RPS3: variants seen among roughly 807,000 people sequenced by gnomAD.
RPS3 encodes the protein small ribosomal subunit protein uS3.
Under a neutral mutation model 25.8 loss-of-function variants are expected in RPS3, and 2 were observed. The ratio of observed to expected loss-of-function variants is 0.08; its 90% CI spans 0.03 to 0.24. RPS3 has a LOEUF of 0.24. Among genes scored for constraint, RPS3 ranks in the 10% least tolerant of loss-of-function variants. RPS3 has a pLI of 1.00. For synonymous variants in RPS3, 114 were observed against 114.2 expected (o/e 1.00, Z 0.01); for missense variants, 107 against 307.1 (o/e 0.35, Z 4.87).
In RPS3 at chr11:75,400,679, C is replaced by T. The variant is rs376373599; in HGVS notation, c.31-15C>T. 1.2e-5 allele frequency: 20 copies of T among 1,609,864 alleles called. No homozygotes were observed. The highest frequency in any genetic ancestry group is 1.7e-4 in the Middle Eastern group (1 of 6,054). Reference sequence around the variant, plus strand: ...ACCGATCTCCTAATTTTGAACTTTGCTTTGTTTGGATTAGTTTGTCGCTGA... The same window carrying T: ...ACCGATCTCCTAATTTTGAACTTTGTTTTGTTTGGATTAGTTTGTCGCTGA... On this transcript the variant is annotated splice_polypyrimidine_tract_variant and intron_variant, in intron 1 of 6. Transcript: ENST00000531188.
chr11:75,416,292 A>G (rs796109830), intron 6 of RPS3, among the ~76,000 whole-genome samples: 6 of 152,224 alleles, frequency 3.9e-5, no homozygotes, highest in African/African-American at 1.4e-4. Flanking sequence ...AATTCATGAT[A>G]TTGGATTCTC....
At chr11:75,414,935 A>C (rs183460323) in intron 6 of RPS3, among the ~76,000 whole-genome samples, 27 of 152,302 alleles carry the variant, frequency 1.8e-4, no homozygotes, top group African/African-American at 6.5e-4. Flanking sequence ...AGGCTGCTGA[A>C]GCCCACAGCG....
At position 75,406,871 on chromosome 11, in the gene RPS3, A is replaced by T. The variant is rs1357479171; in HGVS notation, c.*1261A>T. 1 of 152,230 alleles carries T rather than the reference A, an allele frequency of 6.6e-6. No individual in the cohort carries two copies. Among genetic ancestry groups the T allele is most frequent in the African/African-American group, 2.4e-5 (1 of 41,448 alleles). The allele number at this position is 152,230 out of a possible 1,614,324, so 9.4% of individuals were successfully genotyped here. ...CAGTTGTAACAGCTATGTAGCATGT[A>T]CATTAGGTATTAAAAGTAATCCAGT... On this transcript the variant is annotated 3_prime_UTR_variant, in exon 7 of 7. Transcript: ENST00000531188.
rs1012303421 is a variant in RPS3, at chr11:75,404,258, T to C, written c.538+51T>C. ...AGGGCATTTGTGGACAGATTTGGTT[T>C]TCCACAGACATCTTAAGTATTTGGG... On this transcript the variant is annotated intron_variant, in intron 5 of 6. Coordinates refer to ENST00000531188, the MANE Select transcript of RPS3 (RefSeq NM_001005.5). This position sits in a 1 kb window ranked among gnomAD's most constrained non-coding sequence, Gnocchi z 4.6. 1 of 1,524,682 alleles carries C rather than the reference T, an allele frequency of 6.6e-7. No homozygotes were observed. The highest frequency in any genetic ancestry group is 1.4e-5 in the African/African-American group (1 of 73,116). The allele number at this position is 1,524,682 out of a possible 1,614,324, so 94.4% of individuals were successfully genotyped here. A position where few individuals can be genotyped will look rare whatever the true frequency, so the allele number is the denominator to read the frequency against.
intron 6 of RPS3, among the ~76,000 whole-genome samples, chr11:75,412,423 G>C (rs1948365705): frequency 6.6e-6 from 1 of 152,200 alleles, no homozygotes; most frequent in Admixed American, 6.5e-5. Context: ...AATGAGGAGA[G>C]ACTTGCTTAC....
chr11:75,414,300 T>C (rs1437318315), intron 6 of RPS3, among the ~76,000 whole-genome samples: 4 of 152,188 alleles, frequency 2.6e-5, no homozygotes, highest in African/African-American at 9.7e-5. Context: ...GCTGAAGCCT[T>C]TCATGGACTT....
At chr11:75,409,980 G>T (rs1261964996), downstream of RPS3, among the ~76,000 whole-genome samples, 23 of 138,064 alleles carry the variant, frequency 1.7e-4, no homozygotes, top group Admixed American at 1.4e-3. Flanking sequence ...GCGGCTGGCC[G>T]GGCAGAGGGG....
At chr11:75,410,334 T>C (rs1948340009), downstream of RPS3, among the ~76,000 whole-genome samples, 2 of 147,786 alleles carry the variant, frequency 1.4e-5, no homozygotes, top group African/African-American at 2.5e-5. Context: ...GCAGAGGCGC[T>C]CCTCACATCC....
intron 1 of RPS3, 134 bp downstream of exon 1, chr11:75,399,711 C>G: frequency 1.3e-6 from 1 of 755,322 alleles, no homozygotes. Flanking sequence ...TTCCTGCGGG[C>G]CGCGGATGGC....
chr11:75,409,787 C>T (rs1948326722), downstream of RPS3, among the ~76,000 whole-genome samples: 1 of 150,902 alleles, frequency 6.6e-6, no homozygotes, highest in Admixed American at 6.6e-5. Context: ...CCTCACCTCC[C>T]GGATGGGGCG....
chr11:75,412,347 A>G lies in RPS3; in HGVS notation c.*3+7479A>G, dbSNP rs760122653. 8.7e-4 allele frequency among the ~76,000 whole-genome samples: 133 copies of G among 152,142 alleles called. 1 individual carries two copies. Among genetic ancestry groups the G allele is most frequent in the Non-Finnish European group, 1.2e-3 (84 of 68,014 alleles). On this transcript the variant is annotated intron_variant, in intron 6 of 6. Transcript: ENST00000527446. The stretch of plus-strand genomic sequence containing the variant: ...TGGCTTGGCTCTTGTCATGGACTCT[A>G]TTGCCTTTCCTGGCTGGACCTCTCT...
rs763633037 is a variant in RPS3 at position 75,404,101 on chromosome 11, A to G, written c.432A>G (p.Gly144=). 22 of 1,613,952 alleles carry G rather than the reference A, an allele frequency of 1.4e-5. No homozygotes were observed. The highest frequency in any genetic ancestry group is 1.8e-5 in the Non-Finnish European group (21 of 1,180,036). Residue 144 remains glycine (G), a synonymous_variant, in exon 5 of 7, where the codon GGA becomes GGG. Transcript: ENST00000531188. The surrounding 1 kb of genome is among the most constrained non-coding windows in gnomAD (Gnocchi z 4.6). ...CEVVVSGKLR[G]QRAKSMKFVD... ...TTGTGGTGTCTGGGAAACTCCGAGG[A>G]CAGAGGGCTAAATCCATGAAGTTTG...
In RPS3 at chr11:75,404,903, A is replaced by G. The variant is rs569247955; in HGVS notation, c.*3+35A>G. 37 of 1,417,946 alleles carry G rather than the reference A, an allele frequency of 2.6e-5. No homozygotes were observed. Among genetic ancestry groups the G allele is most frequent in the Middle Eastern group, 1.8e-4 (1 of 5,456 alleles). The allele number at this position is 1,417,946 out of a possible 1,614,324, so 87.8% of individuals were successfully genotyped here. Reference sequence around the variant, plus strand: ...CAAGGGCAGGGGCCTCTTGGGGCATAATAGGGTCCTTCCGAGTCTTTCTGT... The same window carrying G: ...CAAGGGCAGGGGCCTCTTGGGGCATGATAGGGTCCTTCCGAGTCTTTCTGT... On this transcript the variant is annotated intron_variant, in intron 6 of 6. Transcript: ENST00000531188. The surrounding 1 kb of genome is among the most constrained non-coding windows in gnomAD (Gnocchi z 4.6).
chr11:75,420,578 A>T (rs1056741610), intron 6 of RPS3, among the ~76,000 whole-genome samples: 9 of 152,044 alleles, frequency 5.9e-5, no homozygotes, highest in Admixed American at 5.9e-4. Context: ...CACAAGGCTG[A>T]GTCTCTGTTT....
chr11:75,420,742 CA>C (rs1948435970), intron 6 of RPS3, among the ~76,000 whole-genome samples: 1 of 152,106 alleles, frequency 6.6e-6, no homozygotes. Flanking sequence ...ATGGGTGTGT[CA>C]GGGGAGACTA....
chr11:75,420,506 C>T (rs1461574667), intron 6 of RPS3, among the ~76,000 whole-genome samples: 1 of 152,138 alleles, frequency 6.6e-6, no homozygotes. Context: ...GATAGCTGGG[C>T]CCAGGTCTGA....
Position 75,400,843 on chromosome 11 carries a change from G to C in RPS3, c.161+19G>C. On this transcript the variant is annotated intron_variant, in intron 2 of 6. Transcript: ENST00000531188. ...CCACCAGGTAAAACTCATTTGACTGGCCATCACCTATAATTGTTATAAATG... is the reference window on the plus strand; with the variant it reads ...CCACCAGGTAAAACTCATTTGACTGCCCATCACCTATAATTGTTATAAATG... 1 of 1,606,942 alleles carries C rather than the reference G, an allele frequency of 6.2e-7. No individual in the cohort carries two copies. Among genetic ancestry groups the C allele is most frequent in the Non-Finnish European group, 8.5e-7 (1 of 1,176,968 alleles).
intron 3 of RPS3, 166 bp from the exon 4 acceptor site, chr11:75,402,186 G>A (rs1050030878): frequency 2.0e-6 from 2 of 981,286 alleles, no homozygotes; most frequent in Non-Finnish European, 3.0e-6. Flanking sequence ...TCACGATGTT[G>A]AATTTGTGTT....
In RPS3 at chr11:75,418,508, T is replaced by C. The variant is rs12274327; in HGVS notation, c.*4-3219T>C. Among the ~76,000 whole-genome samples the C allele has an allele frequency of 1.2e-3, 188 of 152,290 alleles. 1 individual carries two copies. The highest frequency in any genetic ancestry group is 4.2e-3 in the African/African-American group (176 of 41,550). ...GGAAAAAAAAGGTAAAAAAATTTTT[T>C]AAAAAATAAAGTACAGGATGAAGTG... On this transcript the variant is annotated intron_variant, in intron 6 of 6. Coordinates refer to the RPS3 transcript ENST00000527446.
Sources: gnomAD v4.1 joint callset for allele counts (sites outside exome capture counted in the v4.1 genomes callset) on GRCh38, gnomAD v4.1.1 for gene constraint, Gnocchi (gnomAD v3.1) non-coding constraint, MANE v1.5 for transcripts, NCBI Gene and HGNC (gene_info 2026-07-23, HGNC 2026-07-21) for gene names.